The following ALMS1 variants were observed in gnomAD, a reference collection of about 807,000 sequenced individuals.
ALMS1 encodes the protein ALMS1 centrosome and basal body associated protein.
In ALMS1, 271 loss-of-function variants were observed where a neutral mutation model predicts 352.2. That is an observed-to-expected ratio of 0.77 (90% CI 0.70 to 0.85). The LOEUF (loss-of-function observed/expected upper bound fraction) is 0.85, where lower values mean the gene tolerates loss of function less well. Among genes scored for constraint, ALMS1 ranks in the 40% least tolerant of loss-of-function variants. The pLI is 0.00. For missense variants in ALMS1, 5,445 were observed against 4,870.7 expected (o/e 1.12, Z -3.51); for synonymous variants, 1,865 against 1,761.2 (o/e 1.06, Z -1.48).
intron 10 of ALMS1, among the ~76,000 whole-genome samples, chr2:73,492,883 G>A (rs1673021380): frequency 1.3e-5 from 2 of 151,768 alleles, no homozygotes; most frequent in Admixed American, 1.3e-4. Context: ...GACCACAGGC[G>A]TGCACCACCA....
At chr2:73,414,670 A>C (rs1266662647) in intron 2 of ALMS1, among the ~76,000 whole-genome samples, 1 of 151,806 alleles carries the variant, frequency 6.6e-6, no homozygotes, top group Non-Finnish European at 1.5e-5. Context: ...ACTATTATTA[A>C]TCATTACATA....
Position 73,449,109 on chromosome 2 carries a change from C to A in ALMS1, c.2582C>A (p.Ser861Tyr). The change falls in exon 8 of 23, where the codon TCT becomes TAT. Residue 861 changes from serine (S) to tyrosine (Y), a missense_variant. Ser to Tyr is a moderately radical substitution (Grantham distance 144). Coordinates refer to ENST00000613296, the MANE Select transcript of ALMS1 (RefSeq NM_001378454.1). ...PAVTSTSSAS[S>Y]SLGEKPSAFY... ...GTAACCTCTACTTCCTCTGCGTCCT[C>A]TTCACTTGGAGAAAAGCCCAGTGCT... The A allele has an allele frequency of 6.2e-7, 1 of 1,613,990 alleles. No homozygotes were observed. The highest frequency in any genetic ancestry group is 8.5e-7 in the Non-Finnish European group (1 of 1,179,968).
Position 73,557,265 on chromosome 2 carries a change from A to G in ALMS1, c.10124A>G (p.Asp3375Gly), listed in dbSNP as rs767053911. 4 of 1,614,174 alleles carry G rather than the reference A, an allele frequency of 2.5e-6. No individual in the cohort carries two copies. The highest frequency in any genetic ancestry group is 4.5e-5 in the East Asian group (2 of 44,872). ...ATCACTGGGGATGAGAACCTCTCAG[A>G]CAAAAAACAGCAAGAGATTCACAGT... ...VLITGDENLS[D>G]KKQQEIHSTR... Residue 3375 changes from aspartate to glycine, a missense_variant, in exon 14 of 23, where the codon GAC becomes GGC. Asp to Gly is a moderately conservative substitution (Grantham distance 94, BLOSUM62 -1). Transcript: ENST00000613296.
rs867247626 is a variant in ALMS1 at position 73,541,931 on chromosome 2, C to T, written c.9907+6982C>T. Among the ~76,000 whole-genome samples, 6 of 152,210 alleles carry T rather than the reference C, an allele frequency of 3.9e-5. No individual in the cohort carries two copies. In the Middle Eastern group the frequency reaches 0.014, roughly 345 times the overall value. On this transcript the variant is annotated intron_variant, in intron 12 of 22. Transcript: ENST00000613296. Reference sequence around the variant, plus strand: ...CAGATGGATTCACAGCCGAATTGTACCAGAGGTACAAGGAGGAGCTGGTAC... The same window carrying T: ...CAGATGGATTCACAGCCGAATTGTATCAGAGGTACAAGGAGGAGCTGGTAC...
chr2:73,485,868 A>C (rs559748978), intron 9 of ALMS1, among the ~76,000 whole-genome samples: 6 of 152,222 alleles, frequency 3.9e-5, no homozygotes, highest in Non-Finnish European at 7.4e-5. Flanking sequence ...TTCTTTGACT[A>C]GGAAAGGGAA....
chr2:73,453,500 G>C lies in ALMS1; in HGVS notation c.6973G>C (p.Glu2325Gln). ...DLLHRQPFTE[E>Q]SPSSRCIQKD... The stretch of plus-strand genomic sequence containing the variant: ...GCTTCACAGACAGCCATTCACAGAG[G>C]AAAGCCCAAGCAGCAGGTGCATACA... Residue 2325 changes from glutamate to glutamine, a missense_variant, in exon 8 of 23, where the codon GAA becomes CAA. Coordinates refer to ENST00000613296, the MANE Select transcript of ALMS1 (RefSeq NM_001378454.1). The C allele has an allele frequency of 6.2e-7, 1 of 1,613,594 alleles. No homozygotes were observed. Among genetic ancestry groups the C allele is most frequent in the Non-Finnish European group, 8.5e-7 (1 of 1,179,898 alleles).
At chr2:73,585,635 C>T (rs1264635609) in intron 16 of ALMS1, among the ~76,000 whole-genome samples, 1 of 151,566 alleles carries the variant, frequency 6.6e-6, no homozygotes, top group Non-Finnish European at 1.5e-5. Flanking sequence ...ACCTCGTGAT[C>T]TGCCTACCTC....
chr2:73,578,078 G>C lies in ALMS1; in HGVS notation c.11547+4654G>C, dbSNP rs115843390. ...GGGCTCTGTTGTCAGTTGTGTGTAT[G>C]TTCATAATTGTTATATCCTCTTCAT... On this transcript the variant is annotated intron_variant, in intron 16 of 22. Coordinates refer to ENST00000613296, the MANE Select transcript of ALMS1 (RefSeq NM_001378454.1). 5.4e-3 allele frequency among the ~76,000 whole-genome samples: 820 copies of C among 152,158 alleles called. 10 individuals are homozygous for C. The highest frequency in any genetic ancestry group is 0.018 in the African/African-American group (733 of 41,528).
intron 13 of ALMS1, 76 bp from the exon 14 acceptor site, chr2:73,557,144 A>C: frequency 6.3e-7 from 1 of 1,597,262 alleles, no homozygotes; most frequent in Non-Finnish European, 8.6e-7. Flanking sequence ...TTTGTTTGTA[A>C]TTGTGGGGGA....
chr2:73,396,754 T>C (rs6741067), intron 1 of ALMS1, among the ~76,000 whole-genome samples: 58,059 of 151,020 alleles, frequency 0.38, 15,654 homozygotes, highest in African/African-American at 0.77. Flanking sequence ...ATGCCATTCT[T>C]CTGCCTCAGC....
rs947243935 is a variant in ALMS1, at chr2:73,579,533, G to A, written c.11547+6109G>A. 3.3e-5 allele frequency among the ~76,000 whole-genome samples: 5 copies of A among 149,494 alleles called. No homozygotes were observed. The South Asian group carries it at 1.1e-3, about 32-fold the overall frequency. On this transcript the variant is annotated intron_variant, in intron 16 of 22. Transcript: ENST00000613296. ...ACACCACCACACCCAGCTAATTTTT[G>A]TATTTTAGTAGAGACGTGGTTTCAC...
chr2:73,444,915 ATAAT>A (rs1362356949), intron 7 of ALMS1, among the ~76,000 whole-genome samples: 14 of 151,994 alleles, frequency 9.2e-5, no homozygotes, highest in African/African-American at 2.9e-4. Flanking sequence ...TTAGTTATCA[ATAAT>A]TAATAATTAG....
At chr2:73,428,665 A>G (rs898825583) in intron 6 of ALMS1, among the ~76,000 whole-genome samples, 1 of 152,202 alleles carries the variant, frequency 6.6e-6, no homozygotes, top group Non-Finnish European at 1.5e-5. Flanking sequence ...TATAGCCTGA[A>G]GTATTATTCT....
intron 10 of ALMS1, among the ~76,000 whole-genome samples, chr2:73,509,325 TGTA>T (rs1410302450): frequency 6.6e-6 from 1 of 152,222 alleles, no homozygotes; most frequent in Non-Finnish European, 1.5e-5. Context: ...CATTAGTTGA[TGTA>T]GTTTCTTCAT....
At position 73,397,090 on chromosome 2, in the gene ALMS1, A is replaced by G. The variant is rs574052178; in HGVS notation, c.324+10898A>G. Reference sequence around the variant, plus strand: ...CTCATCTTAACTGTGGTAACATGCTAGGGGTTGTGGAGATAAAACTTACAG... The same window carrying G: ...CTCATCTTAACTGTGGTAACATGCTGGGGGTTGTGGAGATAAAACTTACAG... On this transcript the variant is annotated intron_variant, in intron 1 of 22. Transcript: ENST00000613296. Among the ~76,000 whole-genome samples, 7 of 152,278 alleles carry G rather than the reference A, an allele frequency of 4.6e-5. No individual in the cohort carries two copies. In the South Asian group the frequency reaches 1.2e-3, roughly 27 times the overall value.
At chr2:73,519,129 T>C (rs550838797) in intron 10 of ALMS1, among the ~76,000 whole-genome samples, 33 of 152,330 alleles carry the variant, frequency 2.2e-4, no homozygotes, top group African/African-American at 7.7e-4. Flanking sequence ...TACTATTTCT[T>C]CCTTCTTATA....
At chr2:73,602,581 C>A (rs970096592) in intron 20 of ALMS1, among the ~76,000 whole-genome samples, 1 of 152,220 alleles carries the variant, frequency 6.6e-6, no homozygotes, top group African/African-American at 2.4e-5. Flanking sequence ...TTACTCTAAG[C>A]CCTGTCACTG....
At chr2:73,455,360 C>T in intron 9 of ALMS1, 65 bp downstream of exon 9, 8 of 1,596,110 alleles carry the variant, frequency 5.0e-6, no homozygotes, top group Non-Finnish European at 6.8e-6. Flanking sequence ...ATTAGGATCT[C>T]TTACTTGGGC....
chr2:73,404,523 G>T (rs543046673), intron 1 of ALMS1, among the ~76,000 whole-genome samples: 47 of 151,590 alleles, frequency 3.1e-4, no homozygotes, highest in African/African-American at 9.9e-4. Flanking sequence ...TGCTATTTCG[G>T]TTTCATTTGA....
Sources: gnomAD v4.1 joint callset for allele counts (sites outside exome capture counted in the v4.1 genomes callset) on GRCh38, gnomAD v4.1.1 for gene constraint, MANE v1.5 for transcripts, NCBI Gene and HGNC (gene_info 2026-07-23, HGNC 2026-07-21) for gene names.